DGKB: variants seen among roughly 807,000 people sequenced by gnomAD.
DGKB encodes the protein 90 kDa diacylglycerol kinase.
Under a neutral mutation model 114.3 loss-of-function variants are expected in DGKB, and 67 were observed. That is an observed-to-expected ratio of 0.59 (90% CI 0.48 to 0.72). The LOEUF (loss-of-function observed/expected upper bound fraction) is 0.72, where lower values mean the gene tolerates loss of function less well. Ranked by LOEUF, DGKB falls within the 30% of genes least tolerant of loss-of-function variation. The probability of loss-of-function intolerance (pLI) is 0.00; values close to 1 mark genes in which losing one functional copy is unlikely to be tolerated. For synonymous variants in DGKB, 398 were observed against 323.1 expected (o/e 1.23, Z -2.49); for missense variants, 907 against 975.2 (o/e 0.93, Z 0.93).
At chr7:14,618,709 A>G (rs1344152289) in intron 15 of DGKB, among the ~76,000 whole-genome samples, 2 of 151,540 alleles carry the variant, frequency 1.3e-5, no homozygotes, top group African/African-American at 4.8e-5. Context: ...GTTATACATG[A>G]TCTATTACTT....
chr7:14,194,791 C>T (rs559335825), intron 23 of DGKB, among the ~76,000 whole-genome samples: 6 of 151,982 alleles, frequency 3.9e-5, no homozygotes, highest in South Asian at 4.1e-4. Context: ...AACAACCAGC[C>T]GGAGCTGACT....
intron 20 of DGKB, among the ~76,000 whole-genome samples, chr7:14,512,525 C>A (rs1043099723): frequency 6.6e-6 from 1 of 152,120 alleles, no homozygotes; most frequent in Non-Finnish European, 1.5e-5. Context: ...TTTCTATAAT[C>A]TCTTCCTGAC....
intron 23 of DGKB, among the ~76,000 whole-genome samples, chr7:14,226,570 T>C (rs1010044894): frequency 6.6e-6 from 1 of 152,016 alleles, no homozygotes; most frequent in African/African-American, 2.4e-5. Flanking sequence ...TTTAACATCA[T>C]GACTATTTTC....
chr7:14,821,887 G>T (rs1004462435), intron 2 of DGKB, among the ~76,000 whole-genome samples: 1 of 152,164 alleles, frequency 6.6e-6, no homozygotes, highest in Non-Finnish European at 1.5e-5. Flanking sequence ...AGTGGGAACA[G>T]CATAAATTAA....
intron 1 of DGKB, among the ~76,000 whole-genome samples, chr7:14,931,301 A>C (rs549516714): frequency 4.3e-4 from 65 of 152,058 alleles, no homozygotes; most frequent in Middle Eastern, 6.8e-3. Context: ...TAGTAGAGAA[A>C]GAGTTTCACC....
intron 4 of DGKB, among the ~76,000 whole-genome samples, chr7:14,747,869 G>A (rs902322716): frequency 6.6e-6 from 1 of 152,116 alleles, no homozygotes; most frequent in Non-Finnish European, 1.5e-5. Flanking sequence ...ACTATTTAGG[G>A]AGATAACAGA....
At chr7:14,682,055 C>CT (rs71548090) in intron 12 of DGKB, among the ~76,000 whole-genome samples, 90,432 of 151,848 alleles carry the variant, frequency 0.6, 27,929 homozygotes, top group East Asian at 0.86. Context: ...ATCTGCTTAA[C>CT]TTTTTTGGTC....
intron 23 of DGKB, chr7:14,209,138 A>G (rs1207216899): frequency 9.0e-6 from 2 of 222,446 alleles, no homozygotes; most frequent in African/African-American, 2.4e-5. Flanking sequence ...TATTGAGGAC[A>G]TGAGTATAAG....
intron 13 of DGKB, among the ~76,000 whole-genome samples, chr7:14,655,292 G>C (rs1446298183): frequency 6.6e-6 from 1 of 151,370 alleles, no homozygotes; most frequent in Non-Finnish European, 1.5e-5. Flanking sequence ...AAAATGTTCA[G>C]CATCACTAAT....
chr7:14,901,003 C>G (rs1378043006), intron 1 of DGKB, among the ~76,000 whole-genome samples: 1 of 152,064 alleles, frequency 6.6e-6, no homozygotes, highest in Non-Finnish European at 1.5e-5. Flanking sequence ...AAATTTTTAA[C>G]CACCCTCATG....
At chr7:14,611,804 T>A (rs1178778567) in intron 16 of DGKB, among the ~76,000 whole-genome samples, 1 of 151,902 alleles carries the variant, frequency 6.6e-6, no homozygotes, top group East Asian at 1.9e-4. Flanking sequence ...TGATTCATAT[T>A]ATCTTAATTG....
At chr7:14,653,473 G>T (rs997282890) in intron 13 of DGKB, among the ~76,000 whole-genome samples, 15 of 152,076 alleles carry the variant, frequency 9.9e-5, no homozygotes, top group African/African-American at 3.4e-4. Flanking sequence ...CATGGACACA[G>T]GAAGGAGAAT....
At chr7:14,873,904 A>T (rs1431840687) in intron 1 of DGKB, among the ~76,000 whole-genome samples, 2 of 152,112 alleles carry the variant, frequency 1.3e-5, no homozygotes, top group African/African-American at 2.4e-5. Context: ...AATATTACAT[A>T]AGCAGTTGGT....
At chr7:14,610,041 A>G (rs1805239111) in intron 16 of DGKB, among the ~76,000 whole-genome samples, 1 of 152,110 alleles carries the variant, frequency 6.6e-6, no homozygotes, top group East Asian at 1.9e-4. Flanking sequence ...GAAGGAAAAC[A>G]TACCATATAC....
intron 8 of DGKB, among the ~76,000 whole-genome samples, chr7:14,697,752 G>GA (rs774030646): frequency 9.9e-5 from 13 of 131,818 alleles, no homozygotes; most frequent in Non-Finnish European, 1.6e-4. Context: ...AGGAAAGAAA[G>GA]AAAGAAAGAA....
rs549934033 is a variant in DGKB, at chr7:14,731,129, C to T, written c.322+4912G>A. ...GACGCAGCGGAAGGTGGGAGGATTC[C>T]AGTATTTTAGGACTGGGAAGTGGAT... On this transcript the variant is annotated intron_variant, in intron 5 of 25. Transcript: ENST00000402815. Among the ~76,000 whole-genome samples the T allele has an allele frequency of 2.6e-5, 4 of 152,238 alleles. No homozygotes were observed. The East Asian group carries it at 5.8e-4, about 22-fold the overall frequency.
chr7:14,430,811 G>A (rs1395479983), intron 21 of DGKB, among the ~76,000 whole-genome samples: 1 of 152,050 alleles, frequency 6.6e-6, no homozygotes, highest in African/African-American at 2.4e-5. Flanking sequence ...AGTACTTTAT[G>A]ATTTGGTGAA....
At chr7:14,727,345 T>C (rs1356777453) in intron 5 of DGKB, among the ~76,000 whole-genome samples, 2 of 152,184 alleles carry the variant, frequency 1.3e-5, no homozygotes, top group Non-Finnish European at 2.9e-5. Flanking sequence ...CATCCCTTAC[T>C]GGCAGTAATT....
chr7:14,194,738 G>T (rs913221293), intron 23 of DGKB, among the ~76,000 whole-genome samples: 1 of 152,108 alleles, frequency 6.6e-6, no homozygotes, highest in Non-Finnish European at 1.5e-5. Context: ...AACTTTTCAA[G>T]AATGGATTTG....
Sources: gnomAD v4.1 joint callset for allele counts (sites outside exome capture counted in the v4.1 genomes callset) on GRCh38, gnomAD v4.1.1 for gene constraint, MANE v1.5 for transcripts, NCBI Gene and HGNC (gene_info 2026-07-23, HGNC 2026-07-21) for gene names.